Variants in EVI5 observed in about 807,000 individuals in gnomAD.
The protein encoded by EVI5 is ecotropic viral integration site 5.
EVI5 carries 73 observed loss-of-function variants against 112.0 expected under a neutral mutation model. That is an observed-to-expected ratio of 0.65 (90% CI 0.54 to 0.79). The LOEUF (loss-of-function observed/expected upper bound fraction) is 0.79, where lower values mean the gene tolerates loss of function less well. Ranked by LOEUF, EVI5 falls within the 30% of genes least tolerant of loss-of-function variation. The pLI is 0.00. For missense variants in EVI5, 900 were observed against 968.8 expected, an observed-to-expected ratio of 0.93 and a Z score of 0.94; for synonymous variants, 305 against 319.9, an observed-to-expected ratio of 0.95 and a Z score of 0.50.
intron 16 of EVI5, among the ~76,000 whole-genome samples, chr1:92,608,383 G>T (rs1297943666): frequency 6.6e-6 from 1 of 152,082 alleles, no homozygotes; most frequent in Non-Finnish European, 1.5e-5. Context: ...CCTCTTTCCA[G>T]TTCCAGAAAG....
intron 19 of EVI5, among the ~76,000 whole-genome samples, chr1:92,537,913 AG>A (rs961314072): frequency 1.3e-5 from 2 of 152,156 alleles, no homozygotes; most frequent in African/African-American, 4.8e-5. Flanking sequence ...AAAAAATTGT[AG>A]ATTTCATGTA....
At chr1:92,691,365 C>T (rs1482921698) in intron 9 of EVI5, among the ~76,000 whole-genome samples, 1 of 151,268 alleles carries the variant, frequency 6.6e-6, no homozygotes, top group Admixed American at 6.6e-5. Flanking sequence ...ACAATATTTA[C>T]TTTGAAATAC....
chr1:92,622,379 G>A (rs915857756), intron 16 of EVI5: 12 of 414,848 alleles, frequency 2.9e-5, no homozygotes, highest in Middle Eastern at 3.5e-4. Flanking sequence ...ACACAAAAAC[G>A]GTAAGAACCT....
rs112951853 is a variant in EVI5, at chr1:92,617,366, T to C, written c.1827+6810A>G. Among the ~76,000 whole-genome samples, 19 of 148,566 alleles carry C rather than the reference T, an allele frequency of 1.3e-4. 1 individual carries two copies. The highest frequency in any genetic ancestry group is 2.2e-4 in the African/African-American group (9 of 41,228). On this transcript the variant is annotated intron_variant, in intron 16 of 19. Transcript: ENST00000684568. ...ATTAGAAAATTGGTGACAAAGAAATTTGGAGAAGAGGTATGTGGATGGACC... is the reference window on the plus strand; with the variant it reads ...ATTAGAAAATTGGTGACAAAGAAATCTGGAGAAGAGGTATGTGGATGGACC...
At chr1:92,736,882 A>G (rs550288021) in intron 1 of EVI5, among the ~76,000 whole-genome samples, 5 of 152,344 alleles carry the variant, frequency 3.3e-5, no homozygotes, top group African/African-American at 1.2e-4. Flanking sequence ...ATCAACCAGC[A>G]TGTTTCAAAA....
chr1:92,633,999 A>T (rs1419006499), intron 14 of EVI5, among the ~76,000 whole-genome samples: 2 of 152,160 alleles, frequency 1.3e-5, no homozygotes, highest in Non-Finnish European at 2.9e-5. Context: ...AAGAATGTTG[A>T]ATATTGGCCC....
rs1489130472 is a variant in EVI5 at position 92,704,727 on chromosome 1, C to T, written c.167G>A (p.Ser56Asn). The T allele has an allele frequency of 1.3e-6, 2 of 1,549,580 alleles. No homozygotes were observed. The highest frequency in any genetic ancestry group is 1.8e-6 in the Non-Finnish European group (2 of 1,141,220). ...EEQNRLLETDSKSLRSVNGSR... is the reference protein window; with the variant it reads ...EEQNRLLETDNKSLRSVNGSR... ...CCCATTTACAGATCTTAAAGACTTA[C>T]TATCCGTTTCTAACAATCTAAAATA... Residue 56 changes from serine to asparagine, a missense_variant, in exon 3 of 20, where the codon AGT becomes AAT. Physicochemically the swap from Ser to Asn is conservative, Grantham distance 46. Transcript: ENST00000684568.
intron 1 of EVI5, among the ~76,000 whole-genome samples, chr1:92,737,868 TA>T (rs1041272737): frequency 2.0e-5 from 3 of 152,222 alleles, no homozygotes; most frequent in African/African-American, 7.2e-5. Context: ...AAGTGCTGAA[TA>T]GGGGCAAGAG....
At chr1:92,623,920 C>T (rs200772736) in intron 16 of EVI5, among the ~76,000 whole-genome samples, 1 of 152,300 alleles carries the variant, frequency 6.6e-6, no homozygotes, top group East Asian at 1.9e-4. Context: ...TGCAACAGGG[C>T]AATGCTATGA....
chr1:92,635,443 T>G (rs1447501303), intron 14 of EVI5, among the ~76,000 whole-genome samples: 1 of 152,142 alleles, frequency 6.6e-6, no homozygotes, highest in Non-Finnish European at 1.5e-5. Flanking sequence ...GTGCTAGTAA[T>G]GAGTGAGGCT....
chr1:92,735,523 T>C (rs1223058617), intron 2 of EVI5, among the ~76,000 whole-genome samples: 1 of 150,490 alleles, frequency 6.6e-6, no homozygotes. Flanking sequence ...TTGTTATGAT[T>C]TTAAGCCAGT....
At chr1:92,517,389 G>A (rs1158213875) in intron 19 of EVI5, among the ~76,000 whole-genome samples, 1 of 152,076 alleles carries the variant, frequency 6.6e-6, no homozygotes, top group African/African-American at 2.4e-5. Flanking sequence ...GTATCCATAG[G>A]GATCCGAAAC....
At position 92,736,473 on chromosome 1, in the gene EVI5, G is replaced by C. The variant is rs762583443; in HGVS notation, c.74C>G (p.Ala25Gly). ...TSSSTTLSTP[A>G]LSPSSPSQLS... is the part of the protein sequence containing the mutation. ...CTGTGATGGGGAAGATGGTGAAAGG[G>C]CTGGTGTTGATAGTGTGGTAGATGA... Residue 25 changes from alanine to glycine, a missense_variant, in exon 2 of 20, where the codon GCC becomes GGC. By Grantham distance (60) the Ala-to-Gly change is moderately conservative (BLOSUM62 0). Transcript: ENST00000684568. The C allele has an allele frequency of 6.2e-7, 1 of 1,613,968 alleles. No homozygotes were observed. The highest frequency in any genetic ancestry group is 1.7e-5 in the Admixed American group (1 of 60,016).
At position 92,736,532 on chromosome 1, in the gene EVI5, C is replaced by T. The variant is rs929600805; in HGVS notation, c.15G>A (p.Val5=). Residue 5 remains valine, a synonymous_variant, in exon 2 of 20, where the codon GTG becomes GTA. Transcript: ENST00000684568. ...TATGTAATGAAGTAGATGGACTTGCCACCTGACTGGCCATCTGACTGACTG... is the reference window on the plus strand; with the variant it reads ...TATGTAATGAAGTAGATGGACTTGCTACCTGACTGGCCATCTGACTGACTG... MASQ[V]ASPSTSLHTT... is the part of the protein sequence containing the mutation. 3 of 1,613,616 alleles carry T rather than the reference C, an allele frequency of 1.9e-6. No homozygotes were observed. In the Admixed American group the frequency reaches 5.0e-5, roughly 27 times the overall value.
intron 19 of EVI5, among the ~76,000 whole-genome samples, chr1:92,515,640 T>C (rs1659744697): frequency 6.6e-6 from 1 of 152,236 alleles, no homozygotes; most frequent in Non-Finnish European, 1.5e-5. Context: ...CTCATCCTTG[T>C]TTCTCAGGGA....
chr1:92,603,731 A>G (rs1016523498), intron 18 of EVI5, among the ~76,000 whole-genome samples: 2 of 151,252 alleles, frequency 1.3e-5, no homozygotes, highest in African/African-American at 4.9e-5. Context: ...TTTAATTTTT[A>G]ATAAATATAT....
At chr1:92,649,896 C>T (rs1661782835) in intron 13 of EVI5, among the ~76,000 whole-genome samples, 1 of 152,198 alleles carries the variant, frequency 6.6e-6, no homozygotes, top group African/African-American at 2.4e-5. Flanking sequence ...CATTCTTTAG[C>T]AGGAGAATAT....
chr1:92,553,125 ATTAT>A (rs903835873), intron 19 of EVI5, among the ~76,000 whole-genome samples: 54 of 151,492 alleles, frequency 3.6e-4, no homozygotes, highest in South Asian at 1.3e-3. Flanking sequence ...CCTGTGTGGG[ATTAT>A]TTATTTATTT....
intron 14 of EVI5, 29 bp from the exon 15 acceptor site, chr1:92,625,963 T>A: frequency 6.7e-7 from 1 of 1,487,210 alleles, no homozygotes; most frequent in East Asian, 2.3e-5. Flanking sequence ...TAATTTGGGA[T>A]TTTTAAATTT....
Sources: allele counts gnomAD v4.1 joint callset (sites outside exome capture counted in the v4.1 genomes callset), GRCh38; gene constraint gnomAD v4.1.1; transcripts MANE v1.5; gene names NCBI Gene and HGNC (gene_info 2026-07-23, HGNC 2026-07-21).